Variants in RNF216 observed in about 807,000 individuals in gnomAD.
The protein encoded by RNF216 is E3 ubiquitin-protein ligase RNF216.
A neutral mutation model predicts 110.8 loss-of-function variants in RNF216; 72 were observed. The observed-to-expected ratio is 0.65, with a 90% CI of 0.54 to 0.79. RNF216 has a LOEUF of 0.79. Among genes scored for constraint, RNF216 ranks in the 30% least tolerant of loss-of-function variants. RNF216 has a pLI of 0.00. For missense variants in RNF216, 1,342 were observed against 1,141.2 expected, an observed-to-expected ratio of 1.18 and a Z score of -2.54; for synonymous variants, 495 against 407.5, an observed-to-expected ratio of 1.21 and a Z score of -2.59.
Position 5,689,773 on chromosome 7 carries a change from G to A in RNF216, c.2061+21988C>T, listed in dbSNP as rs577214940. Among the ~76,000 whole-genome samples the A allele has an allele frequency of 7.2e-5, 11 of 151,978 alleles. No individual in the cohort carries two copies. The South Asian group carries it at 2.1e-3, about 29-fold the overall frequency. On this transcript the variant is annotated intron_variant, in intron 13 of 16. Transcript: ENST00000389902. Reference sequence around the variant, plus strand: ...GTTCAAGACAAGCCTGGCCTGCGTGGCAAAATTCCGTCTCTACTAAAAATG... The same window carrying A: ...GTTCAAGACAAGCCTGGCCTGCGTGACAAAATTCCGTCTCTACTAAAAATG...
At chr7:5,734,011 T>C (rs1459291021) in intron 5 of RNF216, among the ~76,000 whole-genome samples, 1 of 152,196 alleles carries the variant, frequency 6.6e-6, no homozygotes, top group East Asian at 1.9e-4. Flanking sequence ...GTAGTTATTA[T>C]CATGCCACTT....
chr7:5,623,686 T>C (rs1487024974), intron 16 of RNF216, among the ~76,000 whole-genome samples: 1 of 152,084 alleles, frequency 6.6e-6, no homozygotes, highest in Non-Finnish European at 1.5e-5. Context: ...CTCCCACCTC[T>C]GCCTCCTGAG....
At chr7:5,725,573 G>A in intron 7 of RNF216, 135 bp from the exon 8 acceptor site, 1 of 630,730 alleles carries the variant, frequency 1.6e-6, no homozygotes, top group South Asian at 1.9e-5. Context: ...AGTGGCAGCT[G>A]GGTGCGGTGG....
intron 5 of RNF216, among the ~76,000 whole-genome samples, chr7:5,731,496 T>TAAC (rs1371934037): frequency 6.7e-6 from 1 of 150,366 alleles, no homozygotes; most frequent in Non-Finnish European, 1.5e-5. Context: ...TAGAGTGAGA[T>TAAC]AACACACACT....
Position 5,696,018 on chromosome 7 carries a change from T to C in RNF216, c.2061+15743A>G, listed in dbSNP as rs1326486512. Among the ~76,000 whole-genome samples the C allele has an allele frequency of 6.6e-6, 1 of 152,074 alleles. No homozygotes were observed. The highest frequency in any genetic ancestry group is 1.9e-4 in the East Asian group (1 of 5,190). ...AGGCTGGGAAGGGAGGGTACCCCACTTGAAGGAGGGGCTGTGGCTCTCAGC... is the reference window on the plus strand; with the variant it reads ...AGGCTGGGAAGGGAGGGTACCCCACCTGAAGGAGGGGCTGTGGCTCTCAGC... On this transcript the variant is annotated intron_variant, in intron 13 of 16. Coordinates refer to ENST00000389902, the MANE Select transcript of RNF216 (RefSeq NM_207111.4). The surrounding 1 kb of genome is among the most constrained non-coding windows in gnomAD (Gnocchi z 5.4).
At chr7:5,713,864 T>C (rs1361246787) in intron 11 of RNF216, among the ~76,000 whole-genome samples, 1 of 152,240 alleles carries the variant, frequency 6.6e-6, no homozygotes, top group Non-Finnish European at 1.5e-5. Flanking sequence ...CTATGATTAT[T>C]TCCATTTTAC....
chr7:5,767,523 A>G (rs746410563), intron 1 of RNF216, among the ~76,000 whole-genome samples: 8 of 152,230 alleles, frequency 5.3e-5, no homozygotes, highest in Admixed American at 2.0e-4. Flanking sequence ...TACATGCAGG[A>G]CTAGACTCCC....
At chr7:5,715,811 G>C (rs377626834) in intron 10 of RNF216, among the ~76,000 whole-genome samples, 88 of 142,920 alleles carry the variant, frequency 6.2e-4, no homozygotes, top group African/African-American at 2.0e-3. Flanking sequence ...GCACGATCTT[G>C]GCTCACTGCA....
intron 13 of RNF216, among the ~76,000 whole-genome samples, chr7:5,669,639 T>G (rs1301574962): frequency 6.6e-6 from 1 of 152,180 alleles, no homozygotes; most frequent in Non-Finnish European, 1.5e-5. Flanking sequence ...ACGCCTGTAA[T>G]CCCAGCACTT....
chr7:5,642,619 C>T (rs1467014243), intron 14 of RNF216, among the ~76,000 whole-genome samples: 10 of 151,686 alleles, frequency 6.6e-5, no homozygotes, highest in Admixed American at 6.6e-4. Context: ...CACCACATCA[C>T]CACACCTGGC....
At chr7:5,757,888 C>T (rs1427120002) in intron 2 of RNF216, among the ~76,000 whole-genome samples, 3 of 152,176 alleles carry the variant, frequency 2.0e-5, no homozygotes, top group African/African-American at 7.2e-5. Context: ...GGAGCAGTGG[C>T]TCACACCTGT....
intron 3 of RNF216, among the ~76,000 whole-genome samples, chr7:5,749,326 T>G (rs1430609144): frequency 6.6e-6 from 1 of 152,072 alleles, no homozygotes; most frequent in Non-Finnish European, 1.5e-5. Context: ...AATTTTTGTA[T>G]TTTTAGTAGA....
rs78983013 is a variant in RNF216, at chr7:5,693,519, T to C, written c.2061+18242A>G. Among the ~76,000 whole-genome samples, 443 of 152,214 alleles carry C rather than the reference T, an allele frequency of 2.9e-3. 5 individuals are homozygous for C. Among genetic ancestry groups the C allele is most frequent in the Middle Eastern group, 0.01 (3 of 294 alleles). On this transcript the variant is annotated intron_variant, in intron 13 of 16. Coordinates refer to ENST00000389902, the MANE Select transcript of RNF216 (RefSeq NM_207111.4). ...TTAATGCTAAGAAGCTCCAAGACATTTGAGGAAGGAAAGAGCAGGAACTAG... is the reference window on the plus strand; with the variant it reads ...TTAATGCTAAGAAGCTCCAAGACATCTGAGGAAGGAAAGAGCAGGAACTAG...
Position 5,716,765 on chromosome 7 carries a change from T to C in RNF216, c.1646A>G (p.His549Arg), listed in dbSNP as rs748444372. 1.4e-5 allele frequency: 23 copies of C among 1,605,478 alleles called. No homozygotes were observed. The highest frequency in any genetic ancestry group is 6.7e-5 in the African/African-American group (5 of 74,746). Reference protein sequence around the residue: ...YEQKIKEMAEHEDFLLALQMN... With the variant: ...YEQKIKEMAEREDFLLALQMN... Reference sequence around the variant, plus strand: ...CTGTAGGGCAAGCAAAAAGTCTTCATGCTGAAGAACAAAAAAGGCACACAT... The same window carrying C: ...CTGTAGGGCAAGCAAAAAGTCTTCACGCTGAAGAACAAAAAAGGCACACAT... Residue 549 changes from histidine (H) to arginine (R), a missense_variant and splice_region_variant, in exon 10 of 17, where the codon CAT becomes CGT. His to Arg is a conservative substitution (Grantham distance 29). Coordinates refer to ENST00000389902, the MANE Select transcript of RNF216 (RefSeq NM_207111.4).
rs1009818889 is a variant in RNF216 at position 5,652,387 on chromosome 7, T to TG, written c.2159+25_2159+26insC. The TG allele has an allele frequency of 9.9e-6, 15 of 1,512,848 alleles. No individual in the cohort carries two copies. The African/African-American group carries it at 2.1e-4, about 21-fold the overall frequency. The allele number at this position is 1,512,848 out of a possible 1,614,324, so 93.7% of individuals were successfully genotyped here. On this transcript the variant is annotated intron_variant, in intron 14 of 16. Transcript: ENST00000389902. ...AATGGGGAAGTTGAGAATCAGCCCA[T>TG]AGCCCCTCTGAATTCTGTTACTCAC...
intron 13 of RNF216, among the ~76,000 whole-genome samples, chr7:5,710,818 A>C (rs1459803227): frequency 6.6e-6 from 1 of 152,074 alleles, no homozygotes; most frequent in African/African-American, 2.4e-5. Context: ...AGGCAGTCCA[A>C]CACCTGACCC....
chr7:5,623,412 C>A (rs1272408597), intron 16 of RNF216, among the ~76,000 whole-genome samples: 1 of 152,014 alleles, frequency 6.6e-6, no homozygotes, highest in African/African-American at 2.4e-5. Context: ...ACCCACCCAG[C>A]CAGACATCCT....
chr7:5,744,839 G>C (rs1454606418), intron 3 of RNF216, among the ~76,000 whole-genome samples: 1 of 152,108 alleles, frequency 6.6e-6, no homozygotes, highest in Non-Finnish European at 1.5e-5. Flanking sequence ...GGGAGTGGTA[G>C]CGCATGCCTG....
chr7:5,740,490 T>C (rs1794693511), intron 4 of RNF216, among the ~76,000 whole-genome samples: 1 of 152,172 alleles, frequency 6.6e-6, no homozygotes, highest in Admixed American at 6.5e-5. Flanking sequence ...CTGTCCTCCA[T>C]GCTTGATGAT....
Sources: gnomAD v4.1 joint callset for allele counts (sites outside exome capture counted in the v4.1 genomes callset) on GRCh38, gnomAD v4.1.1 for gene constraint, Gnocchi (gnomAD v3.1) non-coding constraint, MANE v1.5 for transcripts, NCBI Gene and HGNC (gene_info 2026-07-23, HGNC 2026-07-21) for gene names.